Variants in NRP1 observed in about 807,000 individuals in gnomAD.
NRP1 encodes neuropilin 1, also known as neuropilin-1.
In NRP1, 35 loss-of-function variants were observed where a neutral mutation model predicts 106.7. The ratio of observed to expected loss-of-function variants is 0.33; its 90% CI spans 0.25 to 0.43. NRP1 has a LOEUF of 0.43. Among genes scored for constraint, NRP1 ranks in the 20% least tolerant of loss-of-function variants. NRP1 has a pLI of 1.00. For missense variants in NRP1, 1,024 were observed against 1,170.4 expected (o/e 0.87, Z 1.83); for synonymous variants, 437 against 417.9 (o/e 1.05, Z -0.56).
chr10:33,254,677 C>T (rs530202830), intron 5 of NRP1, among the ~76,000 whole-genome samples: 2 of 152,322 alleles, frequency 1.3e-5, no homozygotes, highest in Admixed American at 6.5e-5. Context: ...TCAGATTCTA[C>T]TATTGGCACC....
chr10:33,262,850 T>G (rs1447843781), intron 4 of NRP1, among the ~76,000 whole-genome samples: 1 of 152,216 alleles, frequency 6.6e-6, no homozygotes, highest in Non-Finnish European at 1.5e-5. Context: ...CTTCTCACCT[T>G]CTAACATTTC....
At chr10:33,262,169 C>T (rs2133232532) in intron 4 of NRP1, among the ~76,000 whole-genome samples, 1 of 152,338 alleles carries the variant, frequency 6.6e-6, no homozygotes, top group Admixed American at 6.5e-5. Flanking sequence ...CCTCTCTGAT[C>T]TGTGTAGTGT....
At chr10:33,276,414 T>C (rs1201178453) in intron 2 of NRP1, among the ~76,000 whole-genome samples, 1 of 152,200 alleles carries the variant, frequency 6.6e-6, no homozygotes, top group East Asian at 1.9e-4. Flanking sequence ...TTTGATCCAT[T>C]TTCTGAAAGG....
chr10:33,192,797 G>C (rs1836505317), intron 12 of NRP1, among the ~76,000 whole-genome samples: 1 of 152,146 alleles, frequency 6.6e-6, no homozygotes, highest in Non-Finnish European at 1.5e-5. Context: ...AATCATATAA[G>C]TTGATACCCA....
intron 2 of NRP1, among the ~76,000 whole-genome samples, chr10:33,295,428 C>A (rs1845318391): frequency 6.6e-6 from 1 of 152,210 alleles, no homozygotes; most frequent in Admixed American, 6.5e-5. Context: ...TCTTCCCAGA[C>A]CAGGTGCAGT....
chr10:33,253,264 G>A (rs1236422458), intron 6 of NRP1, among the ~76,000 whole-genome samples: 1 of 152,182 alleles, frequency 6.6e-6, no homozygotes, highest in South Asian at 2.1e-4. Context: ...TGGGCATTAG[G>A]AGTGGTGCCG....
chr10:33,267,825 C>T (rs557375049), intron 3 of NRP1, among the ~76,000 whole-genome samples: 10 of 152,176 alleles, frequency 6.6e-5, no homozygotes, highest in South Asian at 2.1e-4. Context: ...AGAATTAGGG[C>T]GGTCCAACAT....
intron 6 of NRP1, among the ~76,000 whole-genome samples, chr10:33,232,534 G>A (rs1194664256): frequency 6.6e-6 from 1 of 151,450 alleles, no homozygotes; most frequent in Non-Finnish European, 1.5e-5. Flanking sequence ...CTCTGTGTGT[G>A]TGACAAACAT....
intron 2 of NRP1, among the ~76,000 whole-genome samples, chr10:33,274,922 C>A (rs550941404): frequency 6.6e-6 from 1 of 152,150 alleles, no homozygotes; most frequent in African/African-American, 2.4e-5. Context: ...TTATTTTGCA[C>A]GAGCATTAAT....
chr10:33,238,283 C>T (rs1840737497), intron 6 of NRP1, among the ~76,000 whole-genome samples: 1 of 152,214 alleles, frequency 6.6e-6, no homozygotes, highest in Non-Finnish European at 1.5e-5. Context: ...GGCACAGAAA[C>T]TGTGGATGCT....
chr10:33,330,551 C>G (rs1345486014), intron 2 of NRP1, among the ~76,000 whole-genome samples, 157 bp downstream of exon 2: 2 of 152,314 alleles, frequency 1.3e-5, no homozygotes, highest in Admixed American at 1.3e-4. Context: ...ACTTAACGTA[C>G]TTCAATTTCC....
intron 2 of NRP1, among the ~76,000 whole-genome samples, chr10:33,296,960 C>A (rs909356498): frequency 6.6e-6 from 1 of 150,886 alleles, no homozygotes; most frequent in Non-Finnish European, 1.5e-5. Context: ...ACCCAGGAGG[C>A]GGAGTTTGCA....
chr10:33,290,821 C>T (rs553978132), intron 2 of NRP1, among the ~76,000 whole-genome samples: 13 of 152,204 alleles, frequency 8.5e-5, no homozygotes, highest in Admixed American at 2.6e-4. Flanking sequence ...TTGCAATAAC[C>T]CGTCAAAACA....
chr10:33,295,818 A>C (rs1295805343), intron 2 of NRP1, among the ~76,000 whole-genome samples: 1 of 152,226 alleles, frequency 6.6e-6, no homozygotes, highest in Non-Finnish European at 1.5e-5. Flanking sequence ...AATACATAAA[A>C]ATAAACAGCA....
chr10:33,284,106 T>C (rs1844339350), intron 2 of NRP1, among the ~76,000 whole-genome samples: 1 of 151,974 alleles, frequency 6.6e-6, no homozygotes, highest in Non-Finnish European at 1.5e-5. Context: ...TATAAAAAAT[T>C]CCCCCTGATA....
chr10:33,259,275 G>A (rs1267563388), intron 4 of NRP1, among the ~76,000 whole-genome samples: 1 of 152,100 alleles, frequency 6.6e-6, no homozygotes, highest in African/African-American at 2.4e-5. Context: ...CTAGAACACT[G>A]CCCCCGGACA....
rs1341153445 is a variant in NRP1, at chr10:33,192,332, G to A, written c.2011C>T (p.Leu671Phe). ...CHWEHDNHVQ[L>F]KWSVLTSKTG... is the part of the protein sequence containing the mutation. ...TTGCTGGTCAACACACTCCACTTGA[G>A]CTGCACGTGATTGTCATGTTCCCAG... is the stretch of plus-strand genomic sequence containing the variant. Residue 671 changes from leucine (L) to phenylalanine (F), a missense_variant, in exon 13 of 17, where the codon CTC becomes TTC. Transcript: ENST00000374867. 1.9e-6 allele frequency: 3 copies of A among 1,613,854 alleles called. No homozygotes were observed. The highest frequency in any genetic ancestry group is 2.5e-6 in the Non-Finnish European group (3 of 1,179,850).
chr10:33,180,925 A>AT (rs1016265524), intron 16 of NRP1, among the ~76,000 whole-genome samples: 5 of 152,204 alleles, frequency 3.3e-5, no homozygotes, highest in African/African-American at 1.2e-4. Flanking sequence ...AGAAGGAGTG[A>AT]TTTTTTAGAA....
At chr10:33,274,097 T>C (rs944887718) in intron 2 of NRP1, among the ~76,000 whole-genome samples, 4 of 152,046 alleles carry the variant, frequency 2.6e-5, no homozygotes, top group African/African-American at 9.7e-5. Context: ...AGTGGTAAAG[T>C]GGGTAAACAT....
Sources: allele counts gnomAD v4.1 joint callset (sites outside exome capture counted in the v4.1 genomes callset), GRCh38; gene constraint gnomAD v4.1.1; transcripts MANE v1.5; gene names NCBI Gene and HGNC (gene_info 2026-07-23, HGNC 2026-07-21).